The following ABCD2 variants were observed in gnomAD, a reference collection of about 807,000 sequenced individuals.
ABCD2 encodes the protein ATP-binding cassette sub-family D member 2.
Under a neutral mutation model 70.9 loss-of-function variants are expected in ABCD2, and 36 were observed. The observed-to-expected ratio is 0.51, with a 90% CI of 0.39 to 0.67. The LOEUF (loss-of-function observed/expected upper bound fraction) is 0.67. ABCD2 is among the 30% of genes least tolerant of loss of function. ABCD2 has a pLI of 0.00. For missense variants in ABCD2, 729 were observed against 890.2 expected (o/e 0.82, Z 2.30); for synonymous variants, 304 against 306.9 (o/e 0.99, Z 0.10).
chr12:39,598,135 A>AAATCCAC (rs1488878517), intron 6 of ABCD2, among the ~76,000 whole-genome samples: 1 of 152,220 alleles, frequency 6.6e-6, no homozygotes, highest in Middle Eastern at 3.2e-3. Flanking sequence ...ACATCATTAT[A>AAATCCAC]AATCCACTTT....
At chr12:39,596,308 A>T (rs1941814024) in intron 6 of ABCD2, among the ~76,000 whole-genome samples, 1 of 152,050 alleles carries the variant, frequency 6.6e-6, no homozygotes, top group African/African-American at 2.4e-5. Flanking sequence ...GCCTTTCTTG[A>T]GGCACTTATT....
chr12:39,555,881 G>T (rs1214781083), intron 9 of ABCD2, among the ~76,000 whole-genome samples: 2 of 152,162 alleles, frequency 1.3e-5, no homozygotes, highest in Admixed American at 6.5e-5. Context: ...TGGGGGCTCA[G>T]ATTTCAGCTC....
At chr12:39,614,700 C>A (rs1380883809) in intron 2 of ABCD2, among the ~76,000 whole-genome samples, 1 of 152,062 alleles carries the variant, frequency 6.6e-6, no homozygotes, top group Non-Finnish European at 1.5e-5. Flanking sequence ...TAAAGATATA[C>A]TATTATCTTA....
intron 9 of ABCD2, among the ~76,000 whole-genome samples, chr12:39,554,939 T>C (rs926971791): frequency 5.3e-5 from 8 of 152,230 alleles, no homozygotes; most frequent in African/African-American, 1.9e-4. Flanking sequence ...CCTTCCCTTA[T>C]AGTTTTTCTC....
At chr12:39,617,350 A>C (rs1014409088) in intron 1 of ABCD2, among the ~76,000 whole-genome samples, 182 bp from the exon 2 acceptor site, 1 of 152,024 alleles carries the variant, frequency 6.6e-6, no homozygotes, top group African/African-American at 2.4e-5. Flanking sequence ...TACTCAGTGG[A>C]CATAATGTTA....
chr12:39,565,155 A>G lies in ABCD2; in HGVS notation c.2003+8561T>C, dbSNP rs545793928. Among the ~76,000 whole-genome samples the G allele has an allele frequency of 5.4e-3, 819 of 152,202 alleles. 7 individuals are homozygous for G. Among genetic ancestry groups the G allele is most frequent in the African/African-American group, 0.019 (770 of 41,504 alleles). On this transcript the variant is annotated intron_variant, in intron 9 of 9. Transcript: ENST00000308666. ...ATGAACTTTAAAGTAGTTTTTTCCA[A>G]TTCTGTGAAGAAAGTCATTGGTAGC...
At chr12:39,607,739 AC>A in intron 2 of ABCD2, 25 bp from the exon 3 acceptor site, 1 of 1,295,476 alleles carries the variant, frequency 7.7e-7, no homozygotes, top group Non-Finnish European at 1.1e-6. Context: ...AAATTACAAA[AC>A]TTGAGTTTTT....
intron 8 of ABCD2, among the ~76,000 whole-genome samples, chr12:39,577,437 C>A (rs1349603447): frequency 6.6e-6 from 1 of 152,106 alleles, no homozygotes; most frequent in Non-Finnish European, 1.5e-5. Context: ...TGAGGTAAAT[C>A]TAGAATAGGC....
In ABCD2 at chr12:39,554,061, TA is replaced by T; in HGVS notation, c.2073del (p.Ile692SerfsTer3). 1.9e-6 allele frequency: 3 copies of T among 1,613,774 alleles called. No individual in the cohort carries two copies. Among genetic ancestry groups the T allele is most frequent in the Non-Finnish European group, 1.7e-6 (2 of 1,179,834 alleles). On this transcript the variant is annotated frameshift_variant, in exon 10 of 10. Transcript: ENST00000308666. LOFTEE classifies it high-confidence loss of function. ...TTTTCTTCACTCAATGTCAAACGGA[TA>T]GCAGTATCCAATTGTTCAAAGCGCC... The part of the protein sequence containing the change: ...GGWRFEQLDT[A>X]IRLTLSEEKQ...
chr12:39,595,013 C>A (rs1941797119), intron 6 of ABCD2, among the ~76,000 whole-genome samples: 2 of 151,902 alleles, frequency 1.3e-5, no homozygotes, highest in South Asian at 4.2e-4. Context: ...CTGCAGTGAG[C>A]CAAGATTGTG....
chr12:39,590,756 A>AT (rs550622696), intron 6 of ABCD2, among the ~76,000 whole-genome samples: 4,555 of 145,534 alleles, frequency 0.031, 195 homozygotes, highest in African/African-American at 0.1. Context: ...TCTGACAGTG[A>AT]TTTTTTTTTT....
At position 39,607,600 on chromosome 12, in the gene ABCD2, T is replaced by G; in HGVS notation, c.1235A>C (p.Glu412Ala). ...ATTGACAATAAGAAATGCAAGTACC[T>G]CTTTGTATGAAGACATAATCCTTTC... ...AIERIMSSYK[E>A]VTELAGYTAR... is the part of the protein sequence containing the mutation. The change falls in exon 3 of 10, where the codon GAG (glutamate) becomes GCG (alanine). Residue 412 changes from glutamate (E) to alanine (A), a missense_variant and splice_region_variant. Coordinates refer to ENST00000308666, the MANE Select transcript of ABCD2 (RefSeq NM_005164.4). The G allele has an allele frequency of 6.3e-7, 1 of 1,591,548 alleles. No individual in the cohort carries two copies. The highest frequency in any genetic ancestry group is 8.6e-7 in the Non-Finnish European group (1 of 1,168,094).
chr12:39,595,567 C>T (rs1225301233), intron 6 of ABCD2, among the ~76,000 whole-genome samples: 1 of 152,064 alleles, frequency 6.6e-6, no homozygotes, highest in Non-Finnish European at 1.5e-5. Context: ...TTTTATGTTG[C>T]ATTTAATTTT....
chr12:39,572,387 G>A (rs371765246), intron 9 of ABCD2, among the ~76,000 whole-genome samples: 85 of 152,288 alleles, frequency 5.6e-4, no homozygotes, highest in African/African-American at 2.0e-3. Flanking sequence ...TGTCATTATT[G>A]TCTTAAAGAT....
intron 1 of ABCD2, among the ~76,000 whole-genome samples, chr12:39,617,499 T>G (rs1270741822): frequency 2.0e-5 from 3 of 152,132 alleles, no homozygotes; most frequent in Non-Finnish European, 4.4e-5. Flanking sequence ...CAAAAATATC[T>G]GAAAATGGAC....
intron 2 of ABCD2, among the ~76,000 whole-genome samples, chr12:39,613,530 C>G (rs1591999846): frequency 6.6e-6 from 1 of 150,728 alleles, no homozygotes; most frequent in Admixed American, 6.6e-5. Context: ...AATAGAAACT[C>G]TACATAACTA....
rs541424154 is a variant in ABCD2, at chr12:39,608,984, T to G, written c.1121-1270A>C. Among the ~76,000 whole-genome samples, 262 of 152,322 alleles carry G rather than the reference T, an allele frequency of 1.7e-3. 2 individuals are homozygous for G. Among genetic ancestry groups the G allele is most frequent in the Non-Finnish European group, 3.3e-3 (222 of 68,018 alleles). ...GGACTTTAATATACTTTCCTTTCTT[T>G]CTTGCTTAACTTTTTCTCCTTCTTT... On this transcript the variant is annotated intron_variant, in intron 2 of 9. Transcript: ENST00000308666.
At chr12:39,575,952 A>G (rs1024192339) in intron 8 of ABCD2, among the ~76,000 whole-genome samples, 2 of 152,234 alleles carry the variant, frequency 1.3e-5, no homozygotes, top group African/African-American at 2.4e-5. Context: ...GTTAACATTT[A>G]TTAATGCCAC....
chr12:39,579,653 A>G (rs1263537361), intron 7 of ABCD2, 34 bp from the exon 8 acceptor site: 1 of 1,500,876 alleles, frequency 6.7e-7, no homozygotes, highest in African/African-American at 1.4e-5. Context: ...ATTTTTATAA[A>G]TCATTTGTTT....
Sources: gnomAD v4.1 joint callset for allele counts (sites outside exome capture counted in the v4.1 genomes callset) on GRCh38, gnomAD v4.1.1 for gene constraint, MANE v1.5 for transcripts, NCBI Gene and HGNC (gene_info 2026-07-23, HGNC 2026-07-21) for gene names.